Variants in FUT8 observed in about 807,000 individuals in gnomAD.
FUT8 encodes fucosyltransferase 8.
Under a neutral mutation model 71.3 loss-of-function variants are expected in FUT8, and 29 were observed. The ratio of observed to expected loss-of-function variants is 0.41; its 90% CI spans 0.30 to 0.55. FUT8 has a LOEUF of 0.55. Ranked by LOEUF, FUT8 falls within the 20% of genes least tolerant of loss-of-function variation. The probability of loss-of-function intolerance (pLI) is 0.34; values close to 1 mark genes in which losing one functional copy is unlikely to be tolerated. For missense variants in FUT8, 544 were observed against 702.1 expected (o/e 0.77, Z 2.55); for synonymous variants, 254 against 239.3 (o/e 1.06, Z -0.57).
At chr14:65,686,153 C>G (rs1411408919) in intron 7 of FUT8, among the ~76,000 whole-genome samples, 2 of 152,140 alleles carry the variant, frequency 1.3e-5, no homozygotes, top group Non-Finnish European at 2.9e-5. Context: ...GAGAAGACAC[C>G]TCAGAAATGG....
the FUT8 span, among the ~76,000 whole-genome samples, chr14:65,385,073 A>G: frequency 6.6e-6 from 1 of 150,714 alleles, no homozygotes; most frequent in African/African-American, 2.4e-5. Flanking sequence ...TTTTTTATGT[A>G]TTTTTAGTAG....
intron 3 of FUT8, among the ~76,000 whole-genome samples, chr14:65,594,440 C>G (rs1887853222): frequency 6.6e-6 from 1 of 152,172 alleles, no homozygotes; most frequent in Non-Finnish European, 1.5e-5. Context: ...GGGTATGTTG[C>G]AATGCTGTCT....
Position 65,467,752 on chromosome 14 carries a change from G to A in FUT8, c.-228+12034G>A, listed in dbSNP as rs2066066784. On this transcript the variant is annotated intron_variant, in intron 2 of 10. Coordinates refer to ENST00000673929, the MANE Select transcript of FUT8 (RefSeq NM_001371533.1). This position sits in a 1 kb window ranked among gnomAD's most constrained non-coding sequence, Gnocchi z 4.1. ...GCCTCCCAAAGTGCTGGGATTACAG[G>A]TGTGAGCCACCGTGCCCAGCCAGTC... The A allele has an allele frequency of 5.3e-6, 3 of 561,686 alleles. No homozygotes were observed. Among genetic ancestry groups the A allele is most frequent in the African/African-American group, 1.9e-5 (1 of 52,192 alleles). 34.8% of individuals were successfully genotyped at this position (561,686 alleles called of 1,614,324 possible).
At chr14:65,624,955 A>T (rs1016591490) in intron 5 of FUT8, among the ~76,000 whole-genome samples, 2 of 152,200 alleles carry the variant, frequency 1.3e-5, no homozygotes, top group Admixed American at 1.3e-4. Context: ...AATCCCAGCT[A>T]TTTGGGAGGC....
intron 2 of FUT8, among the ~76,000 whole-genome samples, chr14:65,523,586 C>G (rs1883233838): frequency 6.6e-6 from 1 of 152,120 alleles, no homozygotes; most frequent in Non-Finnish European, 1.5e-5. Flanking sequence ...TAATTAGATC[C>G]CATTTGTCAA....
At chr14:65,629,711 A>G in intron 6 of FUT8, 105 bp downstream of exon 6, 1 of 731,758 alleles carries the variant, frequency 1.4e-6, no homozygotes, top group Admixed American at 2.3e-5. Flanking sequence ...GCCCTTGAAA[A>G]TCAGTACTCA....
intron 1 of FUT8, among the ~76,000 whole-genome samples, chr14:65,443,678 C>T (rs1009952169): frequency 2.0e-5 from 3 of 150,918 alleles, no homozygotes; most frequent in Admixed American, 1.3e-4. Flanking sequence ...CATGATTGTG[C>T]CACTGCTCTC....
chr14:65,659,924 CAGTTAAATTGATTCTGAGACCTGGG>C (rs1367667105), intron 6 of FUT8, among the ~76,000 whole-genome samples: 1 of 152,078 alleles, frequency 6.6e-6, no homozygotes, highest in Non-Finnish European at 1.5e-5. Flanking sequence ...ATAACCTCAA[CAGTTAAATTGATTCTGAGACCTGGG>C]AATTAGGGTA....
upstream of FUT8, among the ~76,000 whole-genome samples, chr14:65,406,499 TTTTTCTTTTC>T (rs755277017): frequency 1.3e-5 from 2 of 152,208 alleles, no homozygotes; most frequent in Non-Finnish European, 1.5e-5. Flanking sequence ...GCTTGTTTTC[TTTTTCTTTTC>T]TTTTCTTTTC....
intron 9 of FUT8, among the ~76,000 whole-genome samples, chr14:65,728,649 A>T (rs1371372371): frequency 1.3e-5 from 2 of 151,462 alleles, no homozygotes; most frequent in Non-Finnish European, 2.9e-5. Flanking sequence ...CATAGATTAT[A>T]AAACTATACT....
chr14:65,396,152 T>C, the FUT8 span, among the ~76,000 whole-genome samples: 3 of 152,338 alleles, frequency 2.0e-5, no homozygotes, highest in Admixed American at 1.3e-4. This position sits in a 1 kb window ranked among gnomAD's most constrained non-coding sequence, Gnocchi z 5.5. Context: ...AACAAGTCTC[T>C]AGGAAGTTCC....
chr14:65,633,459 AG>A (rs1397402753), intron 6 of FUT8, among the ~76,000 whole-genome samples: 1 of 151,640 alleles, frequency 6.6e-6, no homozygotes, highest in African/African-American at 2.4e-5. Context: ...GGATGTGAGG[AG>A]CCCCTCTGCC....
chr14:65,720,233 C>T (rs912347878), intron 7 of FUT8, among the ~76,000 whole-genome samples: 14 of 152,240 alleles, frequency 9.2e-5, no homozygotes, highest in Admixed American at 8.5e-4. Flanking sequence ...GAGTCTCTCC[C>T]TATGGCCACC....
chr14:65,685,246 A>G (rs931138460), intron 7 of FUT8, among the ~76,000 whole-genome samples: 1 of 152,216 alleles, frequency 6.6e-6, no homozygotes, highest in Non-Finnish European at 1.5e-5. Flanking sequence ...TTCCTAATTC[A>G]AAAAGGAGAT....
intron 3 of FUT8, among the ~76,000 whole-genome samples, chr14:65,562,129 T>C (rs12433597): frequency 0.7 from 106,417 of 151,894 alleles, 37,583 homozygotes; most frequent in East Asian, 0.9. Flanking sequence ...AGGGAAACCC[T>C]GATATAATTT....
At chr14:65,514,475 G>A (rs936670624) in intron 2 of FUT8, among the ~76,000 whole-genome samples, 13 of 152,214 alleles carry the variant, frequency 8.5e-5, no homozygotes, top group Admixed American at 5.2e-4. Flanking sequence ...AACAATGTAC[G>A]TATGTATGAC....
Position 65,677,151 on chromosome 14 carries a change from T to TGTGTGTGTGTGC in FUT8, c.835+7672_835+7673insTGTGTGTGTGCG. 5.5e-3 allele frequency among the ~76,000 whole-genome samples: 611 copies of TGTGTGTGTGTGC among 110,692 alleles called. 2 individuals carry two copies. The highest frequency in any genetic ancestry group is 9.9e-3 in the Middle Eastern group (2 of 202). The allele number at this position is 110,692 out of a possible 152,430, so 72.6% of individuals were successfully genotyped here. On this transcript the variant is annotated intron_variant, in intron 7 of 10. Coordinates refer to ENST00000673929, the MANE Select transcript of FUT8 (RefSeq NM_001371533.1). Reference sequence around the variant, plus strand: ...GTGTGTGTGTGTGTGTGTGTGTGTGTGCGCGCGCGCATGCGCGCGCACGTA... The same window carrying TGTGTGTGTGTGC: ...GTGTGTGTGTGTGTGTGTGTGTGTGTGTGTGTGTGTGCGCGCGCGCGCATGCGCGCGCACGTA...
chr14:65,479,153 G>A (rs2066290950), intron 2 of FUT8, among the ~76,000 whole-genome samples: 1 of 152,156 alleles, frequency 6.6e-6, no homozygotes, highest in Admixed American at 6.5e-5. Flanking sequence ...TCCAAAAGTA[G>A]ATTATCATAA....
chr14:65,650,852 G>T (rs1001857804), intron 6 of FUT8, among the ~76,000 whole-genome samples: 2 of 152,068 alleles, frequency 1.3e-5, no homozygotes, highest in Non-Finnish European at 2.9e-5. Flanking sequence ...GGACAGAGAG[G>T]GGGGAAAAAA....
Sources: gnomAD v4.1 joint callset for allele counts (sites outside exome capture counted in the v4.1 genomes callset) on GRCh38, gnomAD v4.1.1 for gene constraint, Gnocchi (gnomAD v3.1) non-coding constraint, MANE v1.5 for transcripts, NCBI Gene and HGNC (gene_info 2026-07-23, HGNC 2026-07-21) for gene names.